The following ALDH1A3 variants were observed in gnomAD, a reference collection of about 807,000 sequenced individuals.
ALDH1A3 encodes aldehyde dehydrogenase 1 family member A3, also known as retinaldehyde dehydrogenase 3.
A neutral mutation model predicts 57.5 loss-of-function variants in ALDH1A3; 28 were observed. The observed-to-expected ratio is 0.49, with a 90% CI of 0.36 to 0.67. ALDH1A3 has a LOEUF of 0.67. Ranked by LOEUF, ALDH1A3 falls within the 30% of genes least tolerant of loss-of-function variation. The pLI, the probability that ALDH1A3 is intolerant of heterozygous loss-of-function variation, is 0.00. For missense variants in ALDH1A3, 507 were observed against 669.4 expected (o/e 0.76, Z 2.68); for synonymous variants, 281 against 264.8 (o/e 1.06, Z -0.59).
At chr15:100,890,833 C>G (rs1429388430) in intron 3 of ALDH1A3, among the ~76,000 whole-genome samples, 1 of 152,216 alleles carries the variant, frequency 6.6e-6, no homozygotes, top group Non-Finnish European at 1.5e-5. Context: ...ATAGGTCAGT[C>G]TTAGAGGCCT....
intron 7 of ALDH1A3, among the ~76,000 whole-genome samples, chr15:100,897,080 C>G (rs1314589528): frequency 1.3e-5 from 2 of 152,196 alleles, no homozygotes; most frequent in Non-Finnish European, 2.9e-5. Context: ...GAAAAAAACA[C>G]CCGCTGCAAT....
chr15:100,905,598 G>A lies in ALDH1A3; in HGVS notation c.1144G>A (p.Gly382Arg), dbSNP rs1199864354. The change falls in exon 10 of 13, where the codon GGG (glycine) becomes AGG (arginine). Residue 382 changes from glycine to arginine, a missense_variant. Gly to Arg is a moderately radical substitution (Grantham distance 125, BLOSUM62 -2). Around this residue, in one of 2 missense-constraint regions of ALDH1A3, gnomAD observed 432 missense variants for 608.4 expected, o/e 0.71. Transcript: ENST00000329841. ...GKKEGAKLEC[G>R]GSAMEDKGLF... ...GAAGGAAGGGGCCAAGCTGGAATGC[G>A]GGGGCTCAGCCATGGAAGACAAGGG... 1.9e-6 allele frequency: 3 copies of A among 1,613,910 alleles called. No individual in the cohort carries two copies. The highest frequency in any genetic ancestry group is 1.1e-5 in the South Asian group (1 of 91,062).
At position 100,885,386 on chromosome 15, in the gene ALDH1A3, T is replaced by C. The variant is rs2041585255; in HGVS notation, c.204+15T>C. The C allele has an allele frequency of 6.4e-7, 1 of 1,566,830 alleles. No homozygotes were observed. Among genetic ancestry groups the C allele is most frequent in the South Asian group, 1.1e-5 (1 of 90,088 alleles). ...AAGGAGATAAGGTAAATACTTAAAA[T>C]AAATTTGCTCTAAGTAATTCAATTA... On this transcript the variant is annotated intron_variant, in intron 2 of 12. Transcript: ENST00000329841.
At chr15:100,911,110 T>C (rs1272960751) in intron 12 of ALDH1A3, among the ~76,000 whole-genome samples, 1 of 152,260 alleles carries the variant, frequency 6.6e-6, no homozygotes, top group African/African-American at 2.4e-5. Flanking sequence ...AGGCTTTTGA[T>C]AAAATATTTA....
At chr15:100,884,697 A>C (rs1030830632) in intron 1 of ALDH1A3, among the ~76,000 whole-genome samples, 4 of 151,590 alleles carry the variant, frequency 2.6e-5, no homozygotes, top group South Asian at 4.2e-4. Context: ...TTTTAAGGGG[A>C]ATGTGCTGGG....
rs542759550 is a variant in ALDH1A3, at chr15:100,898,423, G to A, written c.883+238G>A. Among the ~76,000 whole-genome samples, 3 of 152,348 alleles carry A rather than the reference G, an allele frequency of 2.0e-5. No homozygotes were observed. In the East Asian group the frequency reaches 5.8e-4, roughly 29 times the overall value. ...TTCTACTGCCAAAACGATATGGCTT[G>A]AGTGGCACCTGAGAGGCTGCCTGTT... On this transcript the variant is annotated intron_variant, in intron 8 of 12. Coordinates refer to ENST00000329841, the MANE Select transcript of ALDH1A3 (RefSeq NM_000693.4).
intron 9 of ALDH1A3, among the ~76,000 whole-genome samples, chr15:100,903,812 C>G (rs1225011895): frequency 6.6e-6 from 1 of 152,188 alleles, no homozygotes; most frequent in African/African-American, 2.4e-5. Context: ...CCTTTATTAT[C>G]AAATGTGCTT....
chr15:100,902,506 G>T (rs187559371), intron 9 of ALDH1A3, among the ~76,000 whole-genome samples: 1 of 152,192 alleles, frequency 6.6e-6, no homozygotes, highest in Non-Finnish European at 1.5e-5. Context: ...GTCCACGGCC[G>T]GGCTAGCGCT....
intron 7 of ALDH1A3, among the ~76,000 whole-genome samples, chr15:100,896,768 ATTCATTCTCTGGAATGTTT>A (rs2041708473): frequency 6.6e-6 from 1 of 152,244 alleles, no homozygotes; most frequent in Admixed American, 6.5e-5. Flanking sequence ...AGGATATTAT[ATTCATTCTCTGGAATGTTT>A]TACAGCCGTT....
intron 6 of ALDH1A3, 26 bp from the exon 7 acceptor site, chr15:100,895,907 C>T (rs754531205): frequency 2.5e-6 from 4 of 1,578,890 alleles, no homozygotes; most frequent in Non-Finnish European, 1.7e-6. Context: ...CGTTCTTCTT[C>T]AAGTGCTATC....
At position 100,893,102 on chromosome 15, in the gene ALDH1A3, T is replaced by C. The variant is rs2141555468; in HGVS notation, c.537+96T>C. ...AATTTCTGGTGTGTTTTTATCTGAT[T>C]GCACCAGCGTTGAACAAGCATTTTC... On this transcript the variant is annotated intron_variant, in intron 5 of 12. Transcript: ENST00000329841. This position sits in a 1 kb window ranked among gnomAD's most constrained non-coding sequence, Gnocchi z 4.8. 8.7e-7 allele frequency: 1 copy of C among 1,146,782 alleles called. No homozygotes were observed. Among genetic ancestry groups the C allele is most frequent in the Non-Finnish European group, 1.3e-6 (1 of 798,690 alleles). 71.0% of individuals were successfully genotyped at this position (1,146,782 alleles called of 1,614,324 possible).
At chr15:100,881,932 GCA>G (rs1280116813) in intron 1 of ALDH1A3, among the ~76,000 whole-genome samples, 2 of 152,238 alleles carry the variant, frequency 1.3e-5, no homozygotes, top group African/African-American at 4.8e-5. Context: ...CAGTGCCCTG[GCA>G]CAGTCCTCAG....
chr15:100,884,499 C>G (rs2141546577), intron 1 of ALDH1A3, among the ~76,000 whole-genome samples: 1 of 151,512 alleles, frequency 6.6e-6, no homozygotes, highest in South Asian at 2.1e-4. Flanking sequence ...TGGAAAGTTT[C>G]TAACCCAGAC....
chr15:100,885,277 A>G lies in ALDH1A3; in HGVS notation c.110A>G (p.Asn37Ser), dbSNP rs745641363. Reference protein sequence around the residue: ...LEVKFTKIFINNEWHESKSGK... With the variant: ...LEVKFTKIFISNEWHESKSGK... ...TCCTTTCCTGGTTAGATATTTATCA[A>G]CAATGAATGGCACGAATCCAAGAGT... is the stretch of plus-strand genomic sequence containing the variant. Residue 37 changes from asparagine to serine, a missense_variant, in exon 2 of 13, where the codon AAC becomes AGC. Physicochemically the swap from Asn to Ser is conservative, Grantham distance 46. Around this residue, in one of 2 missense-constraint regions of ALDH1A3, gnomAD observed 75 missense variants for 61.0 expected, o/e 1.23. Transcript: ENST00000329841. The G allele has an allele frequency of 6.2e-7, 1 of 1,612,282 alleles. No individual in the cohort carries two copies. The highest frequency in any genetic ancestry group is 8.5e-7 in the Non-Finnish European group (1 of 1,178,276).
chr15:100,913,033 C>G (rs1431102258), intron 12 of ALDH1A3, among the ~76,000 whole-genome samples: 2 of 95,928 alleles, frequency 2.1e-5, no homozygotes, highest in African/African-American at 7.6e-5. Flanking sequence ...CAGCGGGCGC[C>G]TGTAGTCCCA....
rs1056796780 is a variant in ALDH1A3, at chr15:100,916,223, A to G, written c.*1450A>G. ...TTCCCTTCATCAGCTAACACTTATC[A>G]CTTATACTACCAATAACTTGTTAAA... On this transcript the variant is annotated 3_prime_UTR_variant, in exon 13 of 13. Transcript: ENST00000329841. 6.6e-6 allele frequency: 1 copy of G among 152,208 alleles called. No homozygotes were observed. The highest frequency in any genetic ancestry group is 1.5e-5 in the Non-Finnish European group (1 of 68,040). 9.4% of individuals were successfully genotyped at this position (152,208 alleles called of 1,614,324 possible).
At chr15:100,895,728 G>C (rs2041695857) in intron 6 of ALDH1A3, 1 of 586,798 alleles carries the variant, frequency 1.7e-6, no homozygotes, top group Admixed American at 2.9e-5. Flanking sequence ...TGCCCAGCCT[G>C]CACACTGGGC....
Position 100,903,966 on chromosome 15 carries a change from A to G in ALDH1A3, c.1069-1557A>G, listed in dbSNP as rs533165769. ...TGTTGTTTTGCTCTTTGTTATGATA[A>G]TTTTGCCCCCACCCCATTTTTTTTA... is the stretch of plus-strand genomic sequence containing the variant. On this transcript the variant is annotated intron_variant, in intron 9 of 12. Transcript: ENST00000329841. 3.3e-4 allele frequency among the ~76,000 whole-genome samples: 50 copies of G among 152,210 alleles called. 1 individual carries two copies. Among genetic ancestry groups the G allele is most frequent in the Non-Finnish European group, 6.6e-4 (45 of 68,014 alleles).
intron 1 of ALDH1A3, chr15:100,880,577 G>T (rs1307477346): frequency 3.1e-5 from 6 of 196,592 alleles, no homozygotes; most frequent in Non-Finnish European, 5.1e-5. Flanking sequence ...GAACGAGGAG[G>T]AGTAGGAAGG....
Sources: allele counts gnomAD v4.1 joint callset (sites outside exome capture counted in the v4.1 genomes callset), GRCh38; gene constraint gnomAD v4.1.1; regional missense constraint gnomAD v4.1.1; non-coding constraint Gnocchi (gnomAD v3.1); transcripts MANE v1.5; gene names NCBI Gene and HGNC (gene_info 2026-07-23, HGNC 2026-07-21).